Variants in RBFOX1 observed in about 807,000 individuals in gnomAD.
The protein encoded by RBFOX1 is RNA binding fox-1 homolog 1, also known as RNA binding protein fox-1 homolog 1.
In RBFOX1, 8 loss-of-function variants were observed where a neutral mutation model predicts 57.7. The observed-to-expected ratio is 0.14, with a 90% CI of 0.08 to 0.25. RBFOX1 has a LOEUF of 0.25. Among genes scored for constraint, RBFOX1 ranks in the 10% least tolerant of loss-of-function variants. The pLI is 1.00. For missense variants in RBFOX1, 611 were observed against 548.5 expected, an observed-to-expected ratio of 1.11 and a Z score of -1.14; for synonymous variants, 326 against 222.4, an observed-to-expected ratio of 1.47 and a Z score of -4.15.
At chr16:7,010,610 A>G (rs2093609650) in intron 3 of RBFOX1, among the ~76,000 whole-genome samples, 1 of 151,384 alleles carries the variant, frequency 6.6e-6, no homozygotes, top group African/African-American at 2.4e-5. Flanking sequence ...AGTGTGGTGG[A>G]GTGATCTTGG....
intron 3 of RBFOX1, among the ~76,000 whole-genome samples, chr16:5,667,569 C>G (rs186323317): frequency 8.8e-4 from 134 of 152,290 alleles, no homozygotes; most frequent in Middle Eastern, 3.4e-3. Flanking sequence ...CCTTTGTGGC[C>G]TGTACTAGAA....
chr16:7,056,160 T>C (rs2052169579), intron 4 of RBFOX1, among the ~76,000 whole-genome samples: 1 of 152,182 alleles, frequency 6.6e-6, no homozygotes, highest in Non-Finnish European at 1.5e-5. Flanking sequence ...ATGCTGTCCA[T>C]GAGCTTCCTG....
chr16:6,935,623 C>G (rs1172235632), intron 3 of RBFOX1, among the ~76,000 whole-genome samples: 1 of 152,200 alleles, frequency 6.6e-6, no homozygotes, highest in African/African-American at 2.4e-5. Context: ...CACACAAGCA[C>G]ACGCTCCCCT....
Position 6,101,385 on chromosome 16 carries a change from T to C in RBFOX1, c.-127+81393T>C, listed in dbSNP as rs142801038. On this transcript the variant is annotated intron_variant, in intron 1 of 15. Coordinates refer to ENST00000550418, the MANE Select transcript of RBFOX1 (RefSeq NM_018723.4). Reference sequence around the variant, plus strand: ...TACTGAACCAAGTCGTTAGCATCCATGTGTGGCTTTATTTTTTCTCACAAG... The same window carrying C: ...TACTGAACCAAGTCGTTAGCATCCACGTGTGGCTTTATTTTTTCTCACAAG... Among the ~76,000 whole-genome samples, 358 of 152,324 alleles carry C rather than the reference T, an allele frequency of 2.4e-3. 2 individuals are homozygous for C. The highest frequency in any genetic ancestry group is 8.1e-3 in the African/African-American group (338 of 41,576).
intron 4 of RBFOX1, among the ~76,000 whole-genome samples, chr16:7,108,772 A>G (rs1190473785): frequency 1.3e-5 from 2 of 152,178 alleles, no homozygotes; most frequent in African/African-American, 2.4e-5. Context: ...CCTGTGCTCA[A>G]AGATGCATGT....
intron 2 of RBFOX1, among the ~76,000 whole-genome samples, chr16:6,436,848 T>G (rs548624003): frequency 6.6e-5 from 10 of 152,252 alleles, no homozygotes; most frequent in African/African-American, 1.7e-4. Flanking sequence ...AAGGTCACAT[T>G]TCTTTAGGAA....
chr16:5,708,608 C>G (rs568788221), intron 3 of RBFOX1, among the ~76,000 whole-genome samples: 169 of 152,272 alleles, frequency 1.1e-3, no homozygotes, highest in African/African-American at 4.0e-3. Context: ...CTTCCAGTTT[C>G]CAGGAGCTGG....
At chr16:7,307,156 G>C (rs2096208944) in intron 4 of RBFOX1, among the ~76,000 whole-genome samples, 1 of 152,030 alleles carries the variant, frequency 6.6e-6, no homozygotes. Context: ...TCTTATTTTG[G>C]AGCATTTATC....
chr16:7,348,009 A>C (rs577708622), intron 4 of RBFOX1, among the ~76,000 whole-genome samples: 1 of 152,360 alleles, frequency 6.6e-6, no homozygotes, highest in East Asian at 1.9e-4. Context: ...CTTAACGAGC[A>C]GTCAATTGAT....
At chr16:5,582,236 G>C (rs753211888) in intron 2 of RBFOX1, among the ~76,000 whole-genome samples, 3 of 152,152 alleles carry the variant, frequency 2.0e-5, no homozygotes, top group Non-Finnish European at 2.9e-5. Flanking sequence ...CAGGCTGGTG[G>C]GGAGTTAGGA....
chr16:6,019,130 C>G lies in RBFOX1; in HGVS notation c.-989C>G. The G allele has an allele frequency of 1.0e-6, 1 of 985,088 alleles. No individual in the cohort carries two copies. The highest frequency in any genetic ancestry group is 1.2e-6 in the Non-Finnish European group (1 of 829,954). The allele number at this position is 985,088 out of a possible 1,614,324, so 61.0% of individuals were successfully genotyped here. On this transcript the variant is annotated 5_prime_UTR_variant, in exon 1 of 16. Coordinates refer to ENST00000550418, the MANE Select transcript of RBFOX1 (RefSeq NM_018723.4). The surrounding 1 kb of genome is among the most constrained non-coding windows in gnomAD (Gnocchi z 4.2). ...ACATGCACACATTTTCTCGCGCTCT[C>G]TCCGGCTCTCCTTTGTTTATTTTCT...
At chr16:5,306,391 C>G (rs1017026746) in intron 1 of RBFOX1, among the ~76,000 whole-genome samples, 2 of 151,268 alleles carry the variant, frequency 1.3e-5, no homozygotes, top group African/African-American at 2.4e-5. Flanking sequence ...ATGATCTTGA[C>G]CCACTGCAAC....
At chr16:5,908,900 C>T (rs1447178848) in intron 4 of RBFOX1, among the ~76,000 whole-genome samples, 1 of 151,918 alleles carries the variant, frequency 6.6e-6, no homozygotes, top group African/African-American at 2.4e-5. Context: ...GAGCTCCTCT[C>T]TGTGTGAGGA....
At chr16:6,510,536 C>A (rs190981601) in intron 2 of RBFOX1, among the ~76,000 whole-genome samples, 1 of 152,196 alleles carries the variant, frequency 6.6e-6, no homozygotes, top group South Asian at 2.1e-4. Context: ...CATTTGTTCA[C>A]TGACTACCCA....
intron 4 of RBFOX1, among the ~76,000 whole-genome samples, chr16:7,296,503 T>C (rs938408054): frequency 6.6e-6 from 1 of 152,194 alleles, no homozygotes; most frequent in African/African-American, 2.4e-5. Context: ...GTAAGGGTGC[T>C]ACCATTGGCC....
At chr16:6,557,014 T>TACATATATATACATATATAC (rs1192760130) in intron 2 of RBFOX1, among the ~76,000 whole-genome samples, 1 of 137,564 alleles carries the variant, frequency 7.3e-6, no homozygotes, top group Non-Finnish European at 1.5e-5. Context: ...TACATATATA[T>TACATATATATACATATATAC]ACATATATAT....
intron 3 of RBFOX1, among the ~76,000 whole-genome samples, chr16:6,994,664 C>T (rs1006978860): frequency 6.6e-6 from 1 of 152,182 alleles, no homozygotes; most frequent in Admixed American, 6.5e-5. Context: ...CACTTAATCT[C>T]TTTTATGCCT....
chr16:7,176,657 C>T (rs961911268), intron 4 of RBFOX1, among the ~76,000 whole-genome samples: 1 of 152,068 alleles, frequency 6.6e-6, no homozygotes, highest in Non-Finnish European at 1.5e-5. Context: ...TTAATGTTTG[C>T]CCCTTTACTG....
intron 4 of RBFOX1, among the ~76,000 whole-genome samples, chr16:7,501,481 C>G (rs1458126941): frequency 6.6e-6 from 1 of 152,154 alleles, no homozygotes; most frequent in Non-Finnish European, 1.5e-5. Flanking sequence ...GATATGCTGT[C>G]CTATAAGACA....
Sources: allele counts gnomAD v4.1 joint callset (sites outside exome capture counted in the v4.1 genomes callset), GRCh38; gene constraint gnomAD v4.1.1; non-coding constraint Gnocchi (gnomAD v3.1); transcripts MANE v1.5; gene names NCBI Gene and HGNC (gene_info 2026-07-23, HGNC 2026-07-21).